Variants in NAV2 observed in about 807,000 individuals in gnomAD.
The protein encoded by NAV2 is helicase, APC down-regulated 1.
Under a neutral mutation model 223.2 loss-of-function variants are expected in NAV2, and 54 were observed. The observed-to-expected ratio is 0.24, with a 90% confidence interval of 0.19 to 0.30. NAV2 has a LOEUF of 0.30. Ranked by LOEUF, NAV2 falls within the 10% of genes least tolerant of loss-of-function variation. The pLI is 1.00. For missense variants in NAV2, 2,806 were observed against 3,147.5 expected, an observed-to-expected ratio of 0.89 and a Z score of 2.60; for synonymous variants, 1,279 against 1,239.3, an observed-to-expected ratio of 1.03 and a Z score of -0.67.
At chr11:19,709,700 T>C (rs976055926), upstream of NAV2, among the ~76,000 whole-genome samples, 3 of 151,990 alleles carry the variant, frequency 2.0e-5, no homozygotes, top group Non-Finnish European at 4.4e-5. Flanking sequence ...CCGGGTGTGG[T>C]GGCATGCGCC....
intron 37 of NAV2, among the ~76,000 whole-genome samples, chr11:20,117,578 A>T (rs563306693): frequency 4.6e-5 from 7 of 152,200 alleles, no homozygotes; most frequent in Admixed American, 2.0e-4. Flanking sequence ...CAAGGCTTCC[A>T]CAGGAGCTGC....
intron 1 of NAV2, among the ~76,000 whole-genome samples, chr11:19,359,851 G>T (rs994610154): frequency 2.4e-4 from 36 of 152,114 alleles, no homozygotes; most frequent in Non-Finnish European, 1.2e-4. Context: ...GCCTGTCTTG[G>T]TTCAGCAGGT....
intron 1 of NAV2, among the ~76,000 whole-genome samples, chr11:19,607,871 A>G (rs1457768375): frequency 6.6e-6 from 1 of 152,242 alleles, no homozygotes; most frequent in Non-Finnish European, 1.5e-5. Flanking sequence ...CTGACCACAG[A>G]ACCCTAGTCT....
intron 1 of NAV2, among the ~76,000 whole-genome samples, chr11:19,634,709 A>G (rs2047441851): frequency 6.6e-6 from 1 of 152,202 alleles, no homozygotes; most frequent in African/African-American, 2.4e-5. Context: ...GGACAAGGGA[A>G]GAGGCAATTA....
upstream of NAV2, among the ~76,000 whole-genome samples, chr11:19,709,128 T>G (rs1011150210): frequency 6.6e-6 from 1 of 152,060 alleles, no homozygotes; most frequent in African/African-American, 2.4e-5. Context: ...AGTAAGAAAC[T>G]TATAATTATC....
chr11:19,662,960 T>TCCAAAGC (rs2048326245), intron 1 of NAV2, among the ~76,000 whole-genome samples: 1 of 151,880 alleles, frequency 6.6e-6, no homozygotes, highest in Admixed American at 6.6e-5. Flanking sequence ...CTCGTGGAGG[T>TCCAAAGC]CCAAAGCCCT....
Position 19,890,457 on chromosome 11 carries a change from G to A in NAV2, c.771-1977G>A, listed in dbSNP as rs575926041. ...AGAATGCATCTTTTCCCTCTTCATT[G>A]CTTTTTGCTTCCCTTCTCTTTGCAA... On this transcript the variant is annotated intron_variant, in intron 5 of 37. Coordinates refer to ENST00000349880, the MANE Select transcript of NAV2 (RefSeq NM_145117.5). Among the ~76,000 whole-genome samples the A allele has an allele frequency of 1.1e-4, 16 of 152,284 alleles. No individual in the cohort carries two copies. In the South Asian group the frequency reaches 3.3e-3, roughly 32 times the overall value.
intron 1 of NAV2, among the ~76,000 whole-genome samples, chr11:19,582,026 G>C (rs1177431589): frequency 6.6e-6 from 1 of 152,174 alleles, no homozygotes. Context: ...TCCAGCTCCT[G>C]TTGTTTCCTG....
intron 1 of NAV2, among the ~76,000 whole-genome samples, chr11:19,534,298 G>C (rs2134455764): frequency 6.6e-6 from 1 of 152,278 alleles, no homozygotes; most frequent in African/African-American, 2.4e-5. Flanking sequence ...TGATCTAGTG[G>C]GACCTGATCC....
chr11:19,955,725 C>G (rs1382970280), intron 10 of NAV2, among the ~76,000 whole-genome samples: 1 of 152,168 alleles, frequency 6.6e-6, no homozygotes, highest in African/African-American at 2.4e-5. Context: ...ACATAGCAGA[C>G]AGTACCCTGA....
intron 10 of NAV2, among the ~76,000 whole-genome samples, chr11:19,964,812 T>TA: frequency 7.9e-6 from 1 of 126,108 alleles, no homozygotes; most frequent in African/African-American, 3.2e-5. Flanking sequence ...CATTCTACTT[T>TA]TTTTTTTTTT....
intron 10 of NAV2, among the ~76,000 whole-genome samples, chr11:19,958,657 A>G (rs946971589): frequency 6.6e-6 from 1 of 152,196 alleles, no homozygotes; most frequent in African/African-American, 2.4e-5. Flanking sequence ...AGTGCCTGGC[A>G]TGCATGCTTT....
chr11:19,954,931 A>G (rs1189915184), intron 10 of NAV2, among the ~76,000 whole-genome samples: 1 of 2,892 alleles, frequency 3.5e-4, no homozygotes, highest in Admixed American at 5.0e-3. Flanking sequence ...GTGTGTATAT[A>G]CATATATATA....
intron 1 of NAV2, among the ~76,000 whole-genome samples, chr11:19,765,433 TCCTTCTTCTTCC>T (rs1219325406): frequency 3.7e-5 from 5 of 136,720 alleles, no homozygotes; most frequent in African/African-American, 1.4e-4. Context: ...CTCCTCCTCC[TCCTTCTTCTTCC>T]CCTTCCCCTT....
chr11:19,952,876 T>C (rs1043588371), intron 10 of NAV2, among the ~76,000 whole-genome samples: 1 of 152,242 alleles, frequency 6.6e-6, no homozygotes, highest in Non-Finnish European at 1.5e-5. Flanking sequence ...TGTGTGTGTG[T>C]TCTTATATTG....
chr11:20,105,684 C>A lies in NAV2; in HGVS notation c.6798C>A (p.Leu2266=). The part of the protein sequence containing the change: ...IDWIPKVWHH[L]NRFLEAHSSS... Reference sequence around the variant, plus strand: ...GGATTCCCAAGGTCTGGCATCACCTCAACCGCTTCCTGGAGGCTCACAGTT... The same window carrying A: ...GGATTCCCAAGGTCTGGCATCACCTAAACCGCTTCCTGGAGGCTCACAGTT... The change falls in exon 35 of 38, where the codon CTC becomes CTA. Residue 2266 remains leucine, a synonymous_variant. Transcript: ENST00000349880. 1 of 1,613,546 alleles carries A rather than the reference C, an allele frequency of 6.2e-7. No individual in the cohort carries two copies. Among genetic ancestry groups the A allele is most frequent in the Non-Finnish European group, 8.5e-7 (1 of 1,179,978 alleles).
intron 1 of NAV2, among the ~76,000 whole-genome samples, chr11:19,577,780 A>G (rs572121929): frequency 6.6e-6 from 1 of 152,214 alleles, no homozygotes; most frequent in East Asian, 1.9e-4. Context: ...ACCAGGCCCC[A>G]CTATTGGGGG....
chr11:19,924,295 T>TAAA (rs76734395), intron 6 of NAV2, among the ~76,000 whole-genome samples: 17 of 129,638 alleles, frequency 1.3e-4, no homozygotes, highest in African/African-American at 3.9e-4. Flanking sequence ...GGTAATTCTT[T>TAAA]AAAAAAAAAA....
chr11:19,817,539 C>T (rs186645646), intron 1 of NAV2, among the ~76,000 whole-genome samples: 5 of 151,910 alleles, frequency 3.3e-5, no homozygotes, highest in Admixed American at 6.6e-5. Context: ...TGATGAGGTC[C>T]GAGTTGGGGG....
Sources: gnomAD v4.1 joint callset for allele counts (sites outside exome capture counted in the v4.1 genomes callset) on GRCh38, gnomAD v4.1.1 for gene constraint, MANE v1.5 for transcripts, NCBI Gene and HGNC (gene_info 2026-07-23, HGNC 2026-07-21) for gene names.